Variants in ORC5 observed in about 807,000 individuals in gnomAD.
ORC5 encodes the protein origin recognition complex subunit 5.
In ORC5, 39 loss-of-function variants were observed where a neutral mutation model predicts 58.8. The ratio of observed to expected loss-of-function variants is 0.66; its 90% CI spans 0.51 to 0.87. ORC5 has a LOEUF of 0.87. Among genes scored for constraint, ORC5 ranks in the 40% least tolerant of loss-of-function variants. The pLI, the probability that ORC5 is intolerant of heterozygous loss-of-function variation, is 0.00. For synonymous variants in ORC5, 218 were observed against 177.6 expected (o/e 1.23, Z -1.81); for missense variants, 493 against 506.3 (o/e 0.97, Z 0.25).
chr7:104,144,986 G>C (rs1042056629), intron 12 of ORC5, among the ~76,000 whole-genome samples: 8 of 152,256 alleles, frequency 5.3e-5, no homozygotes, highest in Middle Eastern at 3.4e-3. Context: ...ATAAGGGAGA[G>C]GTGGGGCCGA....
At chr7:104,176,273 GTAAT>G (rs1341737817) in intron 8 of ORC5, among the ~76,000 whole-genome samples, 2 of 152,086 alleles carry the variant, frequency 1.3e-5, no homozygotes, top group Admixed American at 6.5e-5. Context: ...AAAATAAACA[GTAAT>G]TAAACCAAAT....
chr7:104,173,680 G>A (rs1361468910), intron 8 of ORC5, among the ~76,000 whole-genome samples: 1 of 152,084 alleles, frequency 6.6e-6, no homozygotes, highest in African/African-American at 2.4e-5. Context: ...TGCCTTTTCT[G>A]GCAATCCCTT....
rs1004694815 is a variant in ORC5 at position 104,129,779 on chromosome 7, G to C, written c.1263-2886C>G. On this transcript the variant is annotated intron_variant, in intron 13 of 13. Transcript: ENST00000297431. The surrounding 1 kb of genome is among the most constrained non-coding windows in gnomAD (Gnocchi z 4.9). Reference sequence around the variant, plus strand: ...GGATAACTTTCAATATACTATGGGAGATTCTCCCACAGAACATAAATGAAT... The same window carrying C: ...GGATAACTTTCAATATACTATGGGACATTCTCCCACAGAACATAAATGAAT... Among the ~76,000 whole-genome samples the C allele has an allele frequency of 1.3e-5, 2 of 152,158 alleles. No individual in the cohort carries two copies. The highest frequency in any genetic ancestry group is 2.9e-5 in the Non-Finnish European group (2 of 68,024).
intron 5 of ORC5, 25 bp downstream of exon 5, chr7:104,195,118 G>A: frequency 8.2e-7 from 1 of 1,220,078 alleles, no homozygotes; most frequent in South Asian, 1.4e-5. Flanking sequence ...CATATCATTT[G>A]CCAAAACAAT....
At chr7:104,155,255 T>C (rs749797554) in intron 12 of ORC5, among the ~76,000 whole-genome samples, 12 of 151,706 alleles carry the variant, frequency 7.9e-5, no homozygotes, top group Admixed American at 1.3e-4. Context: ...AAAAGGTATA[T>C]ATTTGTATAT....
chr7:104,185,767 T>A (rs925652418), intron 6 of ORC5, among the ~76,000 whole-genome samples: 6 of 152,032 alleles, frequency 3.9e-5, no homozygotes, highest in Admixed American at 3.9e-4. Flanking sequence ...GCAAACTGGT[T>A]AAAAACATAC....
In ORC5 at chr7:104,182,038, GTATTT is replaced by G. The variant is rs778418765; in HGVS notation, c.824+1900_824+1904del. ...TTATTAGTTTGCAGTTTTATGCATT[GTATTT>G]GAGTTTTAATCAACCTGTAGCCTAG... is the stretch of plus-strand genomic sequence containing the variant. On this transcript the variant is annotated intron_variant, in intron 8 of 13. Coordinates refer to ENST00000297431, the MANE Select transcript of ORC5 (RefSeq NM_002553.4). Among the ~76,000 whole-genome samples, 9 of 152,258 alleles carry G rather than the reference GTATTT, an allele frequency of 5.9e-5. No homozygotes were observed. The East Asian group carries it at 9.7e-4, about 16-fold the overall frequency.
In ORC5 at chr7:104,186,826, T is replaced by C. The variant is rs547291274; in HGVS notation, c.684+1425A>G. 7.9e-5 allele frequency among the ~76,000 whole-genome samples: 12 copies of C among 152,338 alleles called. No homozygotes were observed. The South Asian group carries it at 2.5e-3, about 32-fold the overall frequency. Reference sequence around the variant, plus strand: ...GTTTAAGGATCCTTTTCTCTATTATTACCAATAGTAGTATAAGACTTAAAC... The same window carrying C: ...GTTTAAGGATCCTTTTCTCTATTATCACCAATAGTAGTATAAGACTTAAAC... On this transcript the variant is annotated intron_variant, in intron 6 of 13. Transcript: ENST00000297431.
chr7:104,151,101 T>C (rs1798839434), intron 12 of ORC5, among the ~76,000 whole-genome samples: 1 of 152,132 alleles, frequency 6.6e-6, no homozygotes, highest in East Asian at 1.9e-4. Context: ...GTGAATGGTA[T>C]ATATGGTGAA....
rs1041367689 is a variant in ORC5 at position 104,138,657 on chromosome 7, C to T, written c.1150-1764G>A. 2.0e-5 allele frequency among the ~76,000 whole-genome samples: 3 copies of T among 152,232 alleles called. No individual in the cohort carries two copies. Among genetic ancestry groups the T allele is most frequent in the African/African-American group, 7.2e-5 (3 of 41,560 alleles). On this transcript the variant is annotated intron_variant, in intron 12 of 13. Coordinates refer to ENST00000297431, the MANE Select transcript of ORC5 (RefSeq NM_002553.4). The surrounding 1 kb of genome is among the most constrained non-coding windows in gnomAD (Gnocchi z 4.7). Reference sequence around the variant, plus strand: ...TCCTGAGTAGCTGGTACTATAGGCACATGCCACCACACCCAGCTAATTTTT... The same window carrying T: ...TCCTGAGTAGCTGGTACTATAGGCATATGCCACCACACCCAGCTAATTTTT...
intron 3 of ORC5, among the ~76,000 whole-genome samples, chr7:104,199,172 A>G (rs1161882878): frequency 1.3e-3 from 2 of 1,556 alleles, no homozygotes; most frequent in Non-Finnish European, 2.7e-3. Flanking sequence ...CCCCCTACAG[A>G]GTCCCCACTG....
intron 12 of ORC5, among the ~76,000 whole-genome samples, chr7:104,151,351 G>C (rs563983116): frequency 6.6e-6 from 1 of 152,250 alleles, no homozygotes; most frequent in South Asian, 2.1e-4. Context: ...GGAAGCTACT[G>C]ATTTAAGGTA....
intron 12 of ORC5, among the ~76,000 whole-genome samples, chr7:104,157,234 T>G (rs754291580): frequency 2.6e-4 from 39 of 151,944 alleles, no homozygotes; most frequent in Non-Finnish European, 4.6e-4. Flanking sequence ...ATATATATGT[T>G]ATTAGATTTT....
intron 12 of ORC5, among the ~76,000 whole-genome samples, chr7:104,153,998 AATTT>A (rs1394910281): frequency 6.6e-6 from 1 of 152,254 alleles, no homozygotes; most frequent in Non-Finnish European, 1.5e-5. Flanking sequence ...GTCTTCATAA[AATTT>A]ATTTAAAGTG....
intron 11 of ORC5, among the ~76,000 whole-genome samples, 179 bp downstream of exon 11, chr7:104,165,056 C>T (rs1172864422): frequency 1.3e-5 from 2 of 152,152 alleles, no homozygotes; most frequent in African/African-American, 4.8e-5. Context: ...CAGCAGCTCA[C>T]CTAAATGTGC....
intron 3 of ORC5, among the ~76,000 whole-genome samples, chr7:104,199,667 G>C (rs35034355): frequency 6.6e-6 from 1 of 152,064 alleles, no homozygotes; most frequent in Non-Finnish European, 1.5e-5. Flanking sequence ...AGGCTCATAG[G>C]TGGAAGGGAC....
At chr7:104,148,276 C>T (rs1197544739) in intron 12 of ORC5, among the ~76,000 whole-genome samples, 1 of 152,122 alleles carries the variant, frequency 6.6e-6, no homozygotes, top group Non-Finnish European at 1.5e-5. Flanking sequence ...TATCTGAATC[C>T]AAAGCCCATA....
intron 8 of ORC5, among the ~76,000 whole-genome samples, chr7:104,175,490 G>A (rs1400520350): frequency 2.0e-5 from 3 of 152,276 alleles, no homozygotes; most frequent in East Asian, 3.9e-4. Context: ...CAGCTCCATG[G>A]CAACTGACAA....
chr7:104,161,647 T>TA (rs1799025721), intron 11 of ORC5, among the ~76,000 whole-genome samples: 1 of 152,156 alleles, frequency 6.6e-6, no homozygotes, highest in African/African-American at 2.4e-5. Context: ...GTGTTAGAAT[T>TA]ACAGGCATGA....
Sources: gnomAD v4.1 joint callset for allele counts (sites outside exome capture counted in the v4.1 genomes callset) on GRCh38, gnomAD v4.1.1 for gene constraint, Gnocchi (gnomAD v3.1) non-coding constraint, MANE v1.5 for transcripts, NCBI Gene and HGNC (gene_info 2026-07-23, HGNC 2026-07-21) for gene names.